Variants in SPRR2B observed in about 807,000 individuals in gnomAD.
SPRR2B encodes the protein small proline rich protein 2B, also known as small proline-rich protein 2B.
A neutral mutation model predicts 1.0 loss-of-function variants in SPRR2B; 1 was observed. That is an observed-to-expected ratio of 1.01 (90% CI 0.36 to 4.77). The LOEUF is 4.77. Among genes scored for constraint, SPRR2B ranks in the 30% most tolerant of loss-of-function variants. The pLI, the probability that SPRR2B is intolerant of heterozygous loss-of-function variation, is 0.16. For missense variants in SPRR2B, 53 were observed against 88.7 expected (o/e 0.60, Z 1.62); for synonymous variants, 27 against 33.4 (o/e 0.81, Z 0.66).
chr1:153,074,927 C>A (rs1654744513), upstream of SPRR2B, among the ~76,000 whole-genome samples: 1 of 152,154 alleles, frequency 6.6e-6, no homozygotes, highest in Admixed American at 6.5e-5. Context: ...TGTTATAGCT[C>A]TACATTTGAT....
chr1:153,087,705 C>T, the SPRR2B span, among the ~76,000 whole-genome samples: 5 of 152,226 alleles, frequency 3.3e-5, no homozygotes, highest in African/African-American at 1.2e-4. Context: ...GAAGAATTTG[C>T]ATTTGTGAAA....
In SPRR2B at chr1:153,070,726, T is replaced by G. The variant is rs746258974; in HGVS notation, c.114A>C (p.Pro38=). ...PPPKCPEPCP[P]PKCPQPCPPQ... The stretch of plus-strand genomic sequence containing the variant: ...GTGGGCAGGGCTGTGGACACTTTGG[T>G]GGTGGGCAGGGCTCAGGGCACTTCG... The change falls in exon 2 of 2, where the codon CCA becomes CCC. Residue 38 remains proline (P), a synonymous_variant. Coordinates refer to ENST00000368755, the MANE Select transcript of SPRR2B (RefSeq NM_001388198.1). The G allele has an allele frequency of 1.9e-5, 30 of 1,609,130 alleles. No individual in the cohort carries two copies. The East Asian group carries it at 2.5e-4, about 13-fold the overall frequency.
the SPRR2B span, among the ~76,000 whole-genome samples, chr1:153,083,967 C>T: frequency 6.6e-6 from 1 of 152,172 alleles, no homozygotes; most frequent in Non-Finnish European, 1.5e-5. Context: ...GGCAATCTTG[C>T]CTTTCAGATG....
chr1:153,081,169 A>T, the SPRR2B span, among the ~76,000 whole-genome samples: 53,281 of 151,804 alleles, frequency 0.35, 10,254 homozygotes, highest in Non-Finnish European at 0.45. Flanking sequence ...ATCAAAAGAG[A>T]ATCTCGAAAG....
chr1:153,082,192 G>A, the SPRR2B span, among the ~76,000 whole-genome samples: 6 of 152,118 alleles, frequency 3.9e-5, no homozygotes, highest in Non-Finnish European at 8.8e-5. Flanking sequence ...CAATAAAATA[G>A]CTTTACTACA....
upstream of SPRR2B, among the ~76,000 whole-genome samples, chr1:153,076,607 A>T (rs935291571): frequency 2.0e-5 from 3 of 152,236 alleles, no homozygotes; most frequent in African/African-American, 7.2e-5. Flanking sequence ...GGTTAAATAA[A>T]GTATAAACAC....
At chr1:153,073,058 G>A (rs185215592), upstream of SPRR2B, among the ~76,000 whole-genome samples, 47 of 152,328 alleles carry the variant, frequency 3.1e-4, no homozygotes, top group African/African-American at 1.1e-3. Context: ...TCCAGATAGA[G>A]CAAGAGCGCT....
upstream of SPRR2B, among the ~76,000 whole-genome samples, chr1:153,075,139 T>C (rs569603068): frequency 7.9e-4 from 120 of 151,488 alleles, no homozygotes; most frequent in African/African-American, 2.8e-3. Context: ...AGGTCAGGAG[T>C]TCAAGACCAG....
upstream of SPRR2B, among the ~76,000 whole-genome samples, chr1:153,073,824 T>C (rs151203993): frequency 2.0e-5 from 3 of 152,188 alleles, no homozygotes; most frequent in African/African-American, 7.2e-5. Flanking sequence ...TCATTCCTAT[T>C]ACTTCTACTC....
the SPRR2B span, among the ~76,000 whole-genome samples, chr1:153,077,306 G>A: frequency 6.6e-6 from 1 of 152,206 alleles, no homozygotes; most frequent in South Asian, 2.1e-4. Flanking sequence ...CAAAACTTGA[G>A]GCATTTCATT....
the SPRR2B span, among the ~76,000 whole-genome samples, chr1:153,080,850 C>A: frequency 6.6e-6 from 1 of 152,172 alleles, no homozygotes. Flanking sequence ...ATAATTATGG[C>A]AGCTTTAGTC....
chr1:153,076,508 CA>C (rs1478644441), upstream of SPRR2B, among the ~76,000 whole-genome samples: 1 of 152,102 alleles, frequency 6.6e-6, no homozygotes, highest in Non-Finnish European at 1.5e-5. Flanking sequence ...GAAACACAAA[CA>C]AAATTGTGAA....
At position 153,070,399 on chromosome 1, in the gene SPRR2B, A is replaced by T. The variant is rs1481186388; in HGVS notation, c.*222T>A. 1 of 853,842 alleles carries T rather than the reference A, an allele frequency of 1.2e-6. No individual in the cohort carries two copies. Among genetic ancestry groups the T allele is most frequent in the Non-Finnish European group, 1.7e-6 (1 of 573,124 alleles). 52.9% of individuals were successfully genotyped at this position (853,842 alleles called of 1,614,324 possible). ...TGAAGCTCTGGGAACTGACAAAGCC[A>T]AGGTTCCTTTGCTCAGTCTCCACCT... On this transcript the variant is annotated 3_prime_UTR_variant, in exon 2 of 2. Coordinates refer to ENST00000368755, the MANE Select transcript of SPRR2B (RefSeq NM_001388198.1).
the SPRR2B span, among the ~76,000 whole-genome samples, chr1:153,086,948 T>A: frequency 6.6e-6 from 1 of 152,174 alleles, no homozygotes; most frequent in Non-Finnish European, 1.5e-5. Context: ...TACAATTACT[T>A]AGAAATTCAG....
At chr1:153,074,036 T>C (rs1045879063), upstream of SPRR2B, among the ~76,000 whole-genome samples, 2 of 152,214 alleles carry the variant, frequency 1.3e-5, no homozygotes, top group African/African-American at 4.8e-5. Flanking sequence ...ACAGTCAAGA[T>C]AAATAACTGT....
upstream of SPRR2B, among the ~76,000 whole-genome samples, chr1:153,073,382 G>A (rs1284817356): frequency 6.6e-6 from 1 of 152,128 alleles, no homozygotes; most frequent in Non-Finnish European, 1.5e-5. Flanking sequence ...CAAAATTGGA[G>A]AATTGGCTGC....
upstream of SPRR2B, among the ~76,000 whole-genome samples, chr1:153,072,279 G>A (rs193161585): frequency 2.0e-5 from 3 of 152,256 alleles, no homozygotes; most frequent in Admixed American, 2.0e-4. Flanking sequence ...TGTGTCCCAG[G>A]ACAGACACCA....
At chr1:153,085,938 C>T in the SPRR2B span, among the ~76,000 whole-genome samples, 1 of 152,282 alleles carries the variant, frequency 6.6e-6, no homozygotes, top group Middle Eastern at 3.4e-3. Context: ...AACTCAGCTT[C>T]ATAAGTTAAA....
At chr1:153,072,520 T>C (rs6686526), upstream of SPRR2B, among the ~76,000 whole-genome samples, 51,834 of 151,968 alleles carry the variant, frequency 0.34, 10,014 homozygotes, top group Non-Finnish European at 0.45. Context: ...CTTATGTAAA[T>C]AGAGAAGAGA....
Sources: allele counts gnomAD v4.1 joint callset (sites outside exome capture counted in the v4.1 genomes callset), GRCh38; gene constraint gnomAD v4.1.1; transcripts MANE v1.5; gene names NCBI Gene and HGNC (gene_info 2026-07-23, HGNC 2026-07-21).